TBCD: variants seen among roughly 807,000 people sequenced by gnomAD.
TBCD encodes tubulin-specific chaperone D.
Under a neutral mutation model 169.3 loss-of-function variants are expected in TBCD, and 105 were observed. The observed-to-expected ratio is 0.62, with a 90% CI of 0.53 to 0.73. The LOEUF (loss-of-function observed/expected upper bound fraction) is 0.73. TBCD is among the 30% of genes least tolerant of loss of function. The pLI is 0.00. For synonymous variants in TBCD, 700 were observed against 643.9 expected, an observed-to-expected ratio of 1.09 and a Z score of -1.32; for missense variants, 1,444 against 1,600.1, an observed-to-expected ratio of 0.90 and a Z score of 1.66.
chr17:82,832,129 T>G lies in TBCD; in HGVS notation c.1318+17195T>G. ...CAGCTCCAGGTTTTCCTTGATGTCT[T>G]CCCTGGCAGAGCTGTGCTGAAGCTT... is the stretch of plus-strand genomic sequence containing the variant. On this transcript the variant is annotated intron_variant, in intron 13 of 38. Coordinates refer to ENST00000355528, the MANE Select transcript of TBCD (RefSeq NM_005993.5). The surrounding 1 kb of genome is among the most constrained non-coding windows in gnomAD (Gnocchi z 4.9). 1 of 1,614,166 alleles carries G rather than the reference T, an allele frequency of 6.2e-7. No individual in the cohort carries two copies.
intron 37 of TBCD, among the ~76,000 whole-genome samples, chr17:82,940,221 G>GCACA (rs71168175): frequency 0.094 from 12,376 of 131,714 alleles, 661 homozygotes; most frequent in South Asian, 0.24. Context: ...TTGCACGCGC[G>GCACA]CACACACACA....
intron 13 of TBCD, among the ~76,000 whole-genome samples, chr17:82,856,742 G>A (rs538525193): frequency 6.7e-6 from 1 of 148,556 alleles, no homozygotes; most frequent in African/African-American, 2.6e-5. Context: ...GACCGCGTGC[G>A]GACCCTCGCT....
At chr17:82,851,961 T>C (rs1215210632) in intron 13 of TBCD, among the ~76,000 whole-genome samples, 1 of 152,208 alleles carries the variant, frequency 6.6e-6, no homozygotes, top group Admixed American at 6.5e-5. Context: ...CGGGAACGAT[T>C]ACTGTTGACC....
intron 23 of TBCD, among the ~76,000 whole-genome samples, chr17:82,912,544 ACGCCACCCT>A (rs1352383459): frequency 6.6e-6 from 1 of 152,140 alleles, no homozygotes; most frequent in Non-Finnish European, 1.5e-5. Flanking sequence ...AGCCCATCCC[ACGCCACCCT>A]CAGCCCCTCG....
Position 82,915,026 on chromosome 17 carries a change from C to CCA in TBCD, c.2038+3237_2038+3238insCA, listed in dbSNP as rs758082867. Among the ~76,000 whole-genome samples the CCA allele has an allele frequency of 2.0e-5, 3 of 152,140 alleles. No individual in the cohort carries two copies. The highest frequency in any genetic ancestry group is 4.4e-5 in the Non-Finnish European group (3 of 68,028). On this transcript the variant is annotated intron_variant, in intron 23 of 38. Transcript: ENST00000355528. This position sits in a 1 kb window ranked among gnomAD's most constrained non-coding sequence, Gnocchi z 4.3. ...TCTGTATTTCTGAGTTCTGTATGTA[C>CCA]GCAGCTGTTTCCTGATATCCTTAGT...
At chr17:82,803,853 G>A (rs1008736374) in intron 9 of TBCD, among the ~76,000 whole-genome samples, 3 of 146,692 alleles carry the variant, frequency 2.0e-5, no homozygotes, top group Non-Finnish European at 4.5e-5. Flanking sequence ...GGGGTGCACC[G>A]GTCTGTGGGG....
intron 6 of TBCD, among the ~76,000 whole-genome samples, chr17:82,776,955 C>T (rs1169757122): frequency 1.3e-5 from 2 of 152,182 alleles, no homozygotes; most frequent in East Asian, 1.9e-4. Flanking sequence ...CGTGACCTGA[C>T]TCTGCGTGTC....
intron 5 of TBCD, among the ~76,000 whole-genome samples, chr17:82,769,651 C>T (rs2144060124): frequency 6.6e-6 from 1 of 152,144 alleles, no homozygotes; most frequent in African/African-American, 2.4e-5. Flanking sequence ...CCGGGGCGGG[C>T]AGATCACGTG....
At chr17:82,759,925 C>T (rs1403332522) in intron 2 of TBCD, among the ~76,000 whole-genome samples, 1 of 137,680 alleles carries the variant, frequency 7.3e-6, no homozygotes, top group Non-Finnish European at 1.5e-5. Flanking sequence ...CTCGCTCTGT[C>T]ACCCAGGCTG....
intron 13 of TBCD, 134 bp from the exon 14 acceptor site, chr17:82,870,090 G>T: frequency 8.3e-7 from 1 of 1,209,406 alleles, no homozygotes. Flanking sequence ...CCTCTGGGTG[G>T]GCTCCGTGTC....
intron 13 of TBCD, among the ~76,000 whole-genome samples, chr17:82,820,077 C>G (rs1189514486): frequency 6.6e-6 from 1 of 151,600 alleles, no homozygotes; most frequent in Non-Finnish European, 1.5e-5. Context: ...CTCCCAGGTT[C>G]AAGTGATTCT....
At chr17:82,927,468 C>G in intron 29 of TBCD, 145 bp downstream of exon 29, 1 of 1,181,498 alleles carries the variant, frequency 8.5e-7, no homozygotes, top group Non-Finnish European at 1.2e-6. Flanking sequence ...GGAAGATGAC[C>G]TGTTCTCTGC....
At chr17:82,871,904 C>T (rs990930374) in intron 14 of TBCD, among the ~76,000 whole-genome samples, 35 of 152,112 alleles carry the variant, frequency 2.3e-4, no homozygotes, top group African/African-American at 7.0e-4. Flanking sequence ...TGCCTGTGTC[C>T]GACAAGCAGC....
intron 30 of TBCD, 83 bp from the exon 31 acceptor site, chr17:82,929,030 G>A (rs1599642312): frequency 3.3e-6 from 5 of 1,518,308 alleles, no homozygotes; most frequent in East Asian, 2.3e-5. Flanking sequence ...CTGGAGTCAC[G>A]GCTCGGACCG....
intron 9 of TBCD, among the ~76,000 whole-genome samples, chr17:82,804,725 A>C (rs1311259755): frequency 6.6e-6 from 1 of 152,208 alleles, no homozygotes; most frequent in Non-Finnish European, 1.5e-5. Flanking sequence ...GGAAGGTGGC[A>C]GCTCTCACCA....
chr17:82,882,720 G>C (rs2058444713), intron 14 of TBCD, among the ~76,000 whole-genome samples: 1 of 152,096 alleles, frequency 6.6e-6, no homozygotes. Context: ...GCAACAGACA[G>C]CGTGAGACAC....
At chr17:82,828,551 G>GCC (rs11364632) in intron 13 of TBCD, among the ~76,000 whole-genome samples, 1 of 135,732 alleles carries the variant, frequency 7.4e-6, no homozygotes, top group Admixed American at 7.2e-5. Context: ...AATGGAATGT[G>GCC]CCCCCCCCGA....
chr17:82,851,589 A>C (rs7216324), intron 13 of TBCD, among the ~76,000 whole-genome samples: 87,141 of 152,032 alleles, frequency 0.57, 25,154 homozygotes, highest in East Asian at 0.71. Context: ...TGTACAGAAA[A>C]GGAGAAAGGT....
intron 34 of TBCD, among the ~76,000 whole-genome samples, chr17:82,935,157 T>G (rs1371683425): frequency 1.3e-5 from 2 of 152,220 alleles, no homozygotes; most frequent in African/African-American, 4.8e-5. Context: ...TCTCTACAGT[T>G]TTGTCAGTTT....
Sources: gnomAD v4.1 joint callset for allele counts (sites outside exome capture counted in the v4.1 genomes callset) on GRCh38, gnomAD v4.1.1 for gene constraint, Gnocchi (gnomAD v3.1) non-coding constraint, MANE v1.5 for transcripts, NCBI Gene and HGNC (gene_info 2026-07-23, HGNC 2026-07-21) for gene names.